Variants in RBFOX3 observed in about 807,000 individuals in gnomAD.
RBFOX3 encodes the protein RNA binding protein fox-1 homolog 3.
A neutral mutation model predicts 48.7 loss-of-function variants in RBFOX3; 17 were observed. The ratio of observed to expected loss-of-function variants is 0.35; its 90% CI spans 0.24 to 0.52. The LOEUF (loss-of-function observed/expected upper bound fraction) is 0.52. Among genes scored for constraint, RBFOX3 ranks in the 20% least tolerant of loss-of-function variants. RBFOX3 has a pLI of 0.94. For synonymous variants in RBFOX3, 212 were observed against 209.5 expected (o/e 1.01, Z -0.10); for missense variants, 382 against 497.5 (o/e 0.77, Z 2.21).
chr17:79,464,915 C>T (rs982026608), intron 2 of RBFOX3, among the ~76,000 whole-genome samples: 1 of 152,202 alleles, frequency 6.6e-6, no homozygotes, highest in Non-Finnish European at 1.5e-5. Context: ...GTCACTAACC[C>T]GATTTGACAG....
rs1470879997 is a variant in RBFOX3 at position 79,482,110 on chromosome 17, C to A, written c.-175+344G>T. On this transcript the variant is annotated intron_variant, in intron 2 of 14. Transcript: ENST00000693108. This position sits in a 1 kb window ranked among gnomAD's most constrained non-coding sequence, Gnocchi z 4.1. Reference sequence around the variant, plus strand: ...ACGAACCGTGCAGGGGAGGGTCAGGCCCTGACTTTGGACTCTATGGCATCT... The same window carrying A: ...ACGAACCGTGCAGGGGAGGGTCAGGACCTGACTTTGGACTCTATGGCATCT... Among the ~76,000 whole-genome samples, 1 of 152,066 alleles carries A rather than the reference C, an allele frequency of 6.6e-6. No homozygotes were observed. Among genetic ancestry groups the A allele is most frequent in the Non-Finnish European group, 1.5e-5 (1 of 68,004 alleles).
Position 79,582,890 on chromosome 17 carries a change from G to A in RBFOX3, c.-320+27936C>T, listed in dbSNP as rs901167430. On this transcript the variant is annotated intron_variant, in intron 1 of 14. Coordinates refer to ENST00000693108, the MANE Select transcript of RBFOX3 (RefSeq NM_001350451.2). Reference sequence around the variant, plus strand: ...GCCCATGGGATGTGTTTAGATGCTCGTTCCTGAGGGCCTCGTTCAGGCCTG... The same window carrying A: ...GCCCATGGGATGTGTTTAGATGCTCATTCCTGAGGGCCTCGTTCAGGCCTG... Among the ~76,000 whole-genome samples, 48 of 150,730 alleles carry A rather than the reference G, an allele frequency of 3.2e-4. 1 individual carries two copies. The East Asian group carries it at 8.3e-3, about 26-fold the overall frequency.
chr17:79,214,765 A>G lies in RBFOX3; in HGVS notation c.-34+21001T>C, dbSNP rs1329631236. ...GACGGCCCTAGGAAACAGACACTAAATCCTCATTACAAGGCTTGTTAAATG... is the reference window on the plus strand; with the variant it reads ...GACGGCCCTAGGAAACAGACACTAAGTCCTCATTACAAGGCTTGTTAAATG... On this transcript the variant is annotated intron_variant, in intron 4 of 14. Coordinates refer to ENST00000693108, the MANE Select transcript of RBFOX3 (RefSeq NM_001350451.2). The surrounding 1 kb of genome is among the most constrained non-coding windows in gnomAD (Gnocchi z 4.7). Among the ~76,000 whole-genome samples the G allele has an allele frequency of 6.6e-6, 1 of 152,092 alleles. No individual in the cohort carries two copies. Among genetic ancestry groups the G allele is most frequent in the East Asian group, 1.9e-4 (1 of 5,168 alleles).
intron 2 of RBFOX3, among the ~76,000 whole-genome samples, chr17:79,437,193 G>A (rs376199268): frequency 6.6e-6 from 1 of 152,092 alleles, no homozygotes; most frequent in Non-Finnish European, 1.5e-5. Context: ...CCCCCCAGGA[G>A]CCCCCCTGGG....
intron 1 of RBFOX3, among the ~76,000 whole-genome samples, chr17:79,607,876 G>A (rs1206098898): frequency 6.6e-6 from 1 of 152,162 alleles, no homozygotes; most frequent in Admixed American, 6.5e-5. Context: ...CCATTTCACC[G>A]ATGCGCCATC....
At chr17:79,155,039 G>C (rs1486086411) in intron 4 of RBFOX3, among the ~76,000 whole-genome samples, 2 of 152,220 alleles carry the variant, frequency 1.3e-5, no homozygotes, top group African/African-American at 4.8e-5. Flanking sequence ...GGGTGGGGGA[G>C]GGGGCAGTGG....
intron 2 of RBFOX3, among the ~76,000 whole-genome samples, chr17:79,414,586 C>G (rs566549229): frequency 1.3e-5 from 2 of 152,186 alleles, no homozygotes; most frequent in Admixed American, 1.3e-4. Flanking sequence ...TCTGACTGTC[C>G]GTCTGGCTGT....
chr17:79,534,251 C>T (rs913999694), intron 1 of RBFOX3, among the ~76,000 whole-genome samples: 2 of 152,212 alleles, frequency 1.3e-5, no homozygotes, highest in Admixed American at 6.5e-5. Flanking sequence ...TAGCTGGTGA[C>T]GGCTTCAGGA....
intron 1 of RBFOX3, among the ~76,000 whole-genome samples, chr17:79,545,342 G>A (rs2090277180): frequency 1.3e-5 from 2 of 152,192 alleles, no homozygotes; most frequent in South Asian, 4.1e-4. Flanking sequence ...TGGATCAAGA[G>A]GCCAGGATTA....
chr17:79,187,885 C>T (rs1015817005), intron 4 of RBFOX3, among the ~76,000 whole-genome samples: 2 of 151,904 alleles, frequency 1.3e-5, no homozygotes, highest in South Asian at 2.1e-4. Flanking sequence ...ATGGGAAACC[C>T]GGCAGACACC....
At chr17:79,545,880 C>T (rs1172037086) in intron 1 of RBFOX3, among the ~76,000 whole-genome samples, 1 of 152,228 alleles carries the variant, frequency 6.6e-6, no homozygotes, top group Non-Finnish European at 1.5e-5. Context: ...TTTGGCAGTT[C>T]TCATGGGGCA....
intron 1 of RBFOX3, among the ~76,000 whole-genome samples, chr17:79,560,754 G>A (rs2144181137): frequency 6.6e-6 from 1 of 152,304 alleles, no homozygotes; most frequent in South Asian, 2.1e-4. Context: ...ACCCATGACA[G>A]CACGGCCAGC....
chr17:79,246,035 C>T (rs2063126224), intron 3 of RBFOX3, among the ~76,000 whole-genome samples: 2 of 151,412 alleles, frequency 1.3e-5, no homozygotes, highest in South Asian at 4.2e-4. Context: ...AAAATTGTTG[C>T]TCAACCTTAC....
chr17:79,159,839 C>T (rs1254460597), intron 4 of RBFOX3, among the ~76,000 whole-genome samples: 2 of 152,220 alleles, frequency 1.3e-5, no homozygotes, highest in Non-Finnish European at 2.9e-5. Context: ...AGGGTGAGGA[C>T]AGGTCGCTAC....
chr17:79,504,178 G>A (rs1033500030), intron 1 of RBFOX3, among the ~76,000 whole-genome samples: 5 of 152,210 alleles, frequency 3.3e-5, no homozygotes, highest in African/African-American at 4.8e-5. Flanking sequence ...CCGTTCAGTC[G>A]CGTAAGCGTT....
chr17:79,231,062 G>C (rs1037844493), intron 4 of RBFOX3, among the ~76,000 whole-genome samples: 1 of 152,168 alleles, frequency 6.6e-6, no homozygotes, highest in Admixed American at 6.5e-5. Flanking sequence ...TGACTGTCTT[G>C]AGGAAGTTTT....
chr17:79,127,620 C>A (rs1019916101), intron 4 of RBFOX3, among the ~76,000 whole-genome samples: 2 of 152,138 alleles, frequency 1.3e-5, no homozygotes. Flanking sequence ...CCCAGGTGCC[C>A]CCGACCGGCG....
At chr17:79,203,804 T>C (rs1166529641) in intron 4 of RBFOX3, among the ~76,000 whole-genome samples, 1 of 152,084 alleles carries the variant, frequency 6.6e-6, no homozygotes, top group Non-Finnish European at 1.5e-5. Flanking sequence ...TGTCACCAAT[T>C]AGTTTTTGGT....
chr17:79,119,912 G>T (rs1316037767), intron 4 of RBFOX3, among the ~76,000 whole-genome samples: 2 of 152,214 alleles, frequency 1.3e-5, no homozygotes. Flanking sequence ...AGACTGACAT[G>T]CAGCCCTGGT....
Sources: gnomAD v4.1 joint callset for allele counts (sites outside exome capture counted in the v4.1 genomes callset) on GRCh38, gnomAD v4.1.1 for gene constraint, Gnocchi (gnomAD v3.1) non-coding constraint, MANE v1.5 for transcripts, NCBI Gene and HGNC (gene_info 2026-07-23, HGNC 2026-07-21) for gene names.